The following FRMPD4 variants were observed in gnomAD, a reference collection of about 807,000 sequenced individuals.
FRMPD4 encodes the protein FERM and PDZ domain containing 4.
In FRMPD4, 22 loss-of-function variants were observed where a neutral mutation model predicts 94.1. That is an observed-to-expected ratio of 0.23 (90% CI 0.17 to 0.33). FRMPD4 has a LOEUF of 0.33. Among genes scored for constraint, FRMPD4 ranks in the 10% least tolerant of loss-of-function variants. FRMPD4 has a pLI of 1.00. For synonymous variants in FRMPD4, 631 were observed against 548.6 expected (o/e 1.15, Z -2.10); for missense variants, 1,111 against 1,339.9 (o/e 0.83, Z 2.67).
At chrX:12,572,104 T>C (rs2058766001) in intron 2 of FRMPD4, among the ~76,000 whole-genome samples, 1 of 112,533 alleles carries the variant, frequency 8.9e-6, no homozygotes, top group Non-Finnish European at 1.9e-5. Flanking sequence ...AAGGAGCCCC[T>C]GTTTTTAAAA....
chrX:11,838,731 C>T (rs745956320), intron 1 of FRMPD4, among the ~76,000 whole-genome samples: 92 of 111,253 alleles, frequency 8.3e-4, no homozygotes, highest in Admixed American at 1.1e-3. Flanking sequence ...TACATAGAAT[C>T]GTACAATATG....
chrX:12,558,432 A>T (rs904757461), intron 2 of FRMPD4, among the ~76,000 whole-genome samples: 1 of 113,068 alleles, frequency 8.8e-6, no homozygotes, highest in Non-Finnish European at 1.9e-5. Flanking sequence ...AAATGCATGC[A>T]AAAGAAAGTA....
At chrX:12,241,910 TAAG>T (rs755214875) in intron 1 of FRMPD4, among the ~76,000 whole-genome samples, 13 of 83,758 alleles carry the variant, frequency 1.6e-4, no homozygotes, top group African/African-American at 4.5e-4. Flanking sequence ...CTAAAAAAAA[TAAG>T]AAGAAGAAGG....
chrX:12,098,947 G>A (rs184202317), intron 3 of FRMPD4, among the ~76,000 whole-genome samples: 18 of 107,640 alleles, frequency 1.7e-4, no homozygotes, highest in Non-Finnish European at 2.9e-4. Flanking sequence ...GGTTGTAGAG[G>A]TGAAAGCTGG....
rs1191016987 is a variant in FRMPD4, at chrX:12,247,163, T to C, written c.41+108151T>C. On this transcript the variant is annotated intron_variant, in intron 1 of 16. Transcript: ENST00000675598. Reference sequence around the variant, plus strand: ...TTGTTGTGCAGGGCTATCCTGTGCATTGTAGGGTGTCTGGCAGCATCCCTG... The same window carrying C: ...TTGTTGTGCAGGGCTATCCTGTGCACTGTAGGGTGTCTGGCAGCATCCCTG... Among the ~76,000 whole-genome samples, 4 of 111,719 alleles carry C rather than the reference T, an allele frequency of 3.6e-5. No individual in the cohort carries two copies. The East Asian group carries it at 1.1e-3, about 31-fold the overall frequency.
At chrX:11,831,387 A>G (rs1435562249) in intron 1 of FRMPD4, among the ~76,000 whole-genome samples, 1 of 111,219 alleles carries the variant, frequency 9.0e-6, no homozygotes, top group African/African-American at 3.3e-5. Context: ...GTAAGAATGC[A>G]AGATTACTTC....
chrX:12,348,705 A>G (rs1260999312), intron 1 of FRMPD4, among the ~76,000 whole-genome samples: 2 of 111,877 alleles, frequency 1.8e-5, no homozygotes, highest in Non-Finnish European at 3.8e-5. Context: ...AAACCAAATG[A>G]AAGTAAAGAA....
intron 1 of FRMPD4, among the ~76,000 whole-genome samples, chrX:12,245,972 G>T (rs1403497800): frequency 8.9e-6 from 1 of 111,818 alleles, no homozygotes; most frequent in East Asian, 2.8e-4. Context: ...AACACAAAAT[G>T]GACTAAGACA....
chrX:11,955,786 A>G (rs931693517), intron 3 of FRMPD4, among the ~76,000 whole-genome samples: 3 of 110,342 alleles, frequency 2.7e-5, no homozygotes, highest in Non-Finnish European at 5.7e-5. Flanking sequence ...AGCCAGACAT[A>G]GGCAGTTTAT....
intron 2 of FRMPD4, among the ~76,000 whole-genome samples, chrX:12,593,244 A>T (rs756671538): frequency 3.6e-5 from 4 of 112,356 alleles, no homozygotes; most frequent in Non-Finnish European, 5.6e-5. Flanking sequence ...AGAAATCTAG[A>T]TTGAAAATGA....
At chrX:12,492,473 TAC>T (rs1216664522) in intron 1 of FRMPD4, among the ~76,000 whole-genome samples, 3 of 112,482 alleles carry the variant, frequency 2.7e-5, no homozygotes, top group African/African-American at 9.7e-5. Flanking sequence ...TGTTAAAATA[TAC>T]AGTCAAATGT....
At chrX:12,035,669 C>T (rs2054716848) in intron 3 of FRMPD4, among the ~76,000 whole-genome samples, 1 of 111,345 alleles carries the variant, frequency 9.0e-6, no homozygotes, top group African/African-American at 3.3e-5. Context: ...TTTCTCAGTA[C>T]ATTGGAAAGG....
intron 3 of FRMPD4, among the ~76,000 whole-genome samples, chrX:11,950,539 T>C (rs2054216529): frequency 8.9e-6 from 1 of 111,917 alleles, no homozygotes; most frequent in African/African-American, 3.3e-5. Flanking sequence ...ACTGAAACTT[T>C]GTACTCTTTG....
At chrX:12,111,486 T>A (rs768193779) in intron 3 of FRMPD4, among the ~76,000 whole-genome samples, 1,216 of 111,134 alleles carry the variant, frequency 0.011, 9 homozygotes, top group Non-Finnish European at 0.017. Flanking sequence ...AACCTAGGCA[T>A]TACCATTCAG....
intron 3 of FRMPD4, among the ~76,000 whole-genome samples, chrX:11,977,724 TG>T (rs1186311721): frequency 3.1e-5 from 3 of 97,255 alleles, no homozygotes; most frequent in Non-Finnish European, 6.2e-5. Context: ...GTTGGGGGTT[TG>T]GGGGAGGGGC....
At chrX:12,001,619 C>T (rs765886055) in intron 3 of FRMPD4, among the ~76,000 whole-genome samples, 2 of 111,677 alleles carry the variant, frequency 1.8e-5, no homozygotes, top group African/African-American at 6.5e-5. Flanking sequence ...CAAAACCAAT[C>T]AAACAATTAA....
At chrX:12,272,248 A>C (rs942878229) in intron 1 of FRMPD4, among the ~76,000 whole-genome samples, 1 of 111,880 alleles carries the variant, frequency 8.9e-6, no homozygotes, top group Non-Finnish European at 1.9e-5. Context: ...AGTCTCTATT[A>C]ATCATGGGCA....
rs754210621 is a variant in FRMPD4, at chrX:12,594,715, A to G, written c.159-15006A>G. ...CTCCCAAAGTGCTGGGATTACAAGCATGAGCCACCGTACCCGGCCAGTTAA... is the reference window on the plus strand; with the variant it reads ...CTCCCAAAGTGCTGGGATTACAAGCGTGAGCCACCGTACCCGGCCAGTTAA... On this transcript the variant is annotated intron_variant, in intron 2 of 16. Transcript: ENST00000675598. 2.1e-4 allele frequency among the ~76,000 whole-genome samples: 23 copies of G among 111,699 alleles called. No homozygotes were observed. In the South Asian group the frequency reaches 8.7e-3, roughly 42 times the overall value.
intron 1 of FRMPD4, among the ~76,000 whole-genome samples, chrX:12,286,889 C>A (rs1160137580): frequency 2.7e-5 from 3 of 111,671 alleles, no homozygotes; most frequent in Non-Finnish European, 5.6e-5. Context: ...TATTACACAG[C>A]TTGAGTATAC....
Sources: allele counts gnomAD v4.1 joint callset (sites outside exome capture counted in the v4.1 genomes callset), GRCh38; gene constraint gnomAD v4.1.1; transcripts MANE v1.5; gene names NCBI Gene and HGNC (gene_info 2026-07-23, HGNC 2026-07-21).